GARRE1: variants seen among roughly 807,000 people sequenced by gnomAD.
GARRE1 encodes granule associated Rac and RHOG effector protein 1.
In GARRE1, 49 loss-of-function variants were observed where a neutral mutation model predicts 103.2. The ratio of observed to expected loss-of-function variants is 0.47; its 90% CI spans 0.38 to 0.60. The LOEUF is 0.60. GARRE1 is among the 20% of genes least tolerant of loss of function. The probability of loss-of-function intolerance (pLI) is 0.00; values close to 1 mark genes in which losing one functional copy is unlikely to be tolerated. For synonymous variants in GARRE1, 505 were observed against 532.8 expected (o/e 0.95, Z 0.72); for missense variants, 1,199 against 1,370.5 (o/e 0.87, Z 1.98).
At chr19:34,352,512 G>A (rs1480538667) in intron 13 of GARRE1, 135 bp from the exon 14 acceptor site, 2 of 712,578 alleles carry the variant, frequency 2.8e-6, no homozygotes, top group South Asian at 3.4e-5. Context: ...AAGAAGTTCT[G>A]TTGGACAGGG....
chr19:34,280,752 A>G (rs1297032534), intron 1 of GARRE1, among the ~76,000 whole-genome samples: 1 of 152,206 alleles, frequency 6.6e-6, no homozygotes, highest in African/African-American at 2.4e-5. Flanking sequence ...TGCTTTTGAC[A>G]TGAGCCTAGT....
At chr19:34,285,446 C>T (rs988264535) in intron 1 of GARRE1, among the ~76,000 whole-genome samples, 3 of 151,960 alleles carry the variant, frequency 2.0e-5, no homozygotes, top group Non-Finnish European at 2.9e-5. Flanking sequence ...AACGTGGTGA[C>T]ACCCTGTCTC....
intron 7 of GARRE1, among the ~76,000 whole-genome samples, chr19:34,331,949 C>T (rs1314829366): frequency 6.6e-6 from 1 of 151,326 alleles, no homozygotes; most frequent in Non-Finnish European, 1.5e-5. Context: ...CGAGATTGTG[C>T]CACTGCACTC....
At chr19:34,341,317 A>G in intron 9 of GARRE1, 105 bp from the exon 10 acceptor site, 12 of 904,916 alleles carry the variant, frequency 1.3e-5, no homozygotes, top group Non-Finnish European at 1.9e-5. Flanking sequence ...TACCAACCTG[A>G]GAGGTTTTTC....
At chr19:34,302,292 G>GTTTTTT (rs397786603) in intron 2 of GARRE1, among the ~76,000 whole-genome samples, 11 of 92,044 alleles carry the variant, frequency 1.2e-4, no homozygotes, top group Admixed American at 1.7e-4. Context: ...GCGCCCAGCC[G>GTTTTTT]TTTTTTTTTT....
At chr19:34,323,093 C>T (rs1385751755) in intron 3 of GARRE1, among the ~76,000 whole-genome samples, 15 of 119,138 alleles carry the variant, frequency 1.3e-4, no homozygotes, top group Non-Finnish European at 1.9e-4. Flanking sequence ...TGCAGTGGTG[C>T]GATGTTGGCT....
rs1275169774 is a variant in GARRE1, at chr19:34,259,159, C to A, written c.-796+4545C>A. Among the ~76,000 whole-genome samples the A allele has an allele frequency of 2.0e-5, 3 of 152,150 alleles. No individual in the cohort carries two copies. The East Asian group carries it at 5.8e-4, about 29-fold the overall frequency. ...CTCCAGCCCAAGCAACAGAGCGAGA[C>A]CCTGTCTCAAAATAAATAAGTAAAT... On this transcript the variant is annotated intron_variant, in intron 1 of 13. Transcript: ENST00000299505.
At chr19:34,298,413 C>CAAA (rs55665879) in intron 1 of GARRE1, among the ~76,000 whole-genome samples, 1,377 of 129,632 alleles carry the variant, frequency 0.011, 23 homozygotes, top group African/African-American at 0.036. Flanking sequence ...GACTCTGTCT[C>CAAA]AAAAAAAAAA....
At chr19:34,320,641 G>T (rs1206781442) in intron 3 of GARRE1, among the ~76,000 whole-genome samples, 3 of 151,982 alleles carry the variant, frequency 2.0e-5, no homozygotes, top group Non-Finnish European at 4.4e-5. Flanking sequence ...GGAATTTTGT[G>T]TTTTTTGTTA....
rs2073969657 is a variant in GARRE1 at position 34,300,227 on chromosome 19, C to A, written c.-247C>A. The A allele has an allele frequency of 4.7e-6, 2 of 422,932 alleles. No homozygotes were observed. Among genetic ancestry groups the A allele is most frequent in the Admixed American group, 7.7e-5 (2 of 25,818 alleles). 26.2% of individuals were successfully genotyped at this position (422,932 alleles called of 1,614,324 possible). ...TAAGAGAGTGGAATGCTAAACAGTTCTTATCCAGCATTTTGGACATCTTTT... is the reference window on the plus strand; with the variant it reads ...TAAGAGAGTGGAATGCTAAACAGTTATTATCCAGCATTTTGGACATCTTTT... On this transcript the variant is annotated 5_prime_UTR_variant, in exon 2 of 14. Coordinates refer to ENST00000299505, the MANE Select transcript of GARRE1 (RefSeq NM_014686.5).
At chr19:34,259,294 A>G (rs796411142) in intron 1 of GARRE1, among the ~76,000 whole-genome samples, 4 of 152,262 alleles carry the variant, frequency 2.6e-5, no homozygotes, top group African/African-American at 7.2e-5. Context: ...TGTATTTGCC[A>G]TTTGCTTTCT....
intron 2 of GARRE1, among the ~76,000 whole-genome samples, chr19:34,301,982 CTT>C (rs35417822): frequency 0.16 from 7,684 of 49,574 alleles, 617 homozygotes; most frequent in African/African-American, 0.26. Context: ...TGCGCCCAGC[CTT>C]TTTTTTTTTT....
intron 1 of GARRE1, among the ~76,000 whole-genome samples, chr19:34,284,117 G>T (rs2073871810): frequency 1.5e-5 from 2 of 136,144 alleles, no homozygotes; most frequent in Non-Finnish European, 3.1e-5. Context: ...GGGATTACAG[G>T]CCCGGCTTTC....
At chr19:34,271,714 A>G (rs1665620793) in intron 1 of GARRE1, among the ~76,000 whole-genome samples, 1 of 152,032 alleles carries the variant, frequency 6.6e-6, no homozygotes, top group African/African-American at 2.4e-5. Context: ...CAAAAAATAA[A>G]AATTAGCTGA....
chr19:34,301,214 G>A (rs184216401), intron 2 of GARRE1, among the ~76,000 whole-genome samples: 301 of 152,198 alleles, frequency 2.0e-3, no homozygotes, highest in African/African-American at 6.8e-3. Flanking sequence ...CGGGAAGATC[G>A]CTTGAGCTCA....
chr19:34,329,354 A>G (rs994479378), intron 6 of GARRE1, among the ~76,000 whole-genome samples: 9 of 152,240 alleles, frequency 5.9e-5, no homozygotes, highest in Non-Finnish European at 1.5e-5. Context: ...TCAGAATTTC[A>G]GAATTCCTCA....
At chr19:34,322,597 C>CT (rs1268693216) in intron 3 of GARRE1, among the ~76,000 whole-genome samples, 1 of 151,866 alleles carries the variant, frequency 6.6e-6, no homozygotes, top group Non-Finnish European at 1.5e-5. Flanking sequence ...AGATAATTTT[C>CT]TTTTTTTTGA....
At chr19:34,283,363 A>G (rs963569486) in intron 1 of GARRE1, among the ~76,000 whole-genome samples, 1 of 152,128 alleles carries the variant, frequency 6.6e-6, no homozygotes, top group Non-Finnish European at 1.5e-5. Flanking sequence ...TGGTTCAAGG[A>G]TTGGGTAACT....
chr19:34,322,819 C>G (rs1046351902), intron 3 of GARRE1, among the ~76,000 whole-genome samples: 8 of 151,914 alleles, frequency 5.3e-5, no homozygotes, highest in East Asian at 1.9e-4. Flanking sequence ...AACTCCTGAC[C>G]TCAGGTGATC....
Sources: allele counts gnomAD v4.1 joint callset (sites outside exome capture counted in the v4.1 genomes callset), GRCh38; gene constraint gnomAD v4.1.1; transcripts MANE v1.5; gene names NCBI Gene and HGNC (gene_info 2026-07-23, HGNC 2026-07-21).